The following PROX1 variants were observed in gnomAD, a reference collection of about 807,000 sequenced individuals.
PROX1 encodes the protein prospero homeobox 1.
A neutral mutation model predicts 58.8 loss-of-function variants in PROX1; 7 were observed. That is an observed-to-expected ratio of 0.12 (90% CI 0.07 to 0.22). PROX1 has a LOEUF of 0.22. Among genes scored for constraint, PROX1 ranks in the 10% least tolerant of loss-of-function variants. The pLI, the probability that PROX1 is intolerant of heterozygous loss-of-function variation, is 1.00. For missense variants in PROX1, 675 were observed against 927.8 expected, an observed-to-expected ratio of 0.73 and a Z score of 3.54; for synonymous variants, 350 against 358.3, an observed-to-expected ratio of 0.98 and a Z score of 0.26.
Position 214,038,377 on chromosome 1 carries a change from A to AT in PROX1, c.*2546dup. On this transcript the variant is annotated 3_prime_UTR_variant, in exon 5 of 5. Transcript: ENST00000366958. ...CAAAAGCCTGTCTCTCCAAATTCCT[A>AT]TTTAACAGTTTGATTTTTTTTTTTT... The AT allele has an allele frequency of 6.6e-6, 1 of 151,786 alleles. No individual in the cohort carries two copies. The highest frequency in any genetic ancestry group is 1.9e-4 in the East Asian group (1 of 5,174). The allele number at this position is 151,786 out of a possible 1,614,324, so 9.4% of individuals were successfully genotyped here.
chr1:214,014,137 T>C (rs903290848), intron 4 of PROX1, among the ~76,000 whole-genome samples: 1 of 152,244 alleles, frequency 6.6e-6, no homozygotes, highest in Non-Finnish European at 1.5e-5. Context: ...TTAAGTGAGA[T>C]GCTTAAAAAG....
chr1:214,017,156 G>T (rs1315181714), intron 4 of PROX1, among the ~76,000 whole-genome samples: 1 of 151,818 alleles, frequency 6.6e-6, no homozygotes, highest in Non-Finnish European at 1.5e-5. Context: ...AAGTTCAGAG[G>T]AGCCTTTAGA....
intron 4 of PROX1, among the ~76,000 whole-genome samples, chr1:214,016,636 C>A (rs1339375911): frequency 6.6e-6 from 1 of 152,200 alleles, no homozygotes; most frequent in African/African-American, 2.4e-5. Context: ...AATGAATGTT[C>A]TCTAAATATA....
chr1:214,002,769 A>G (rs1031195308), intron 2 of PROX1, among the ~76,000 whole-genome samples: 28 of 152,230 alleles, frequency 1.8e-4, no homozygotes. Context: ...GTTGCTTTTC[A>G]GCACAAGCAC....
At chr1:213,987,560 AG>A (rs1361689476), upstream of PROX1, 5 of 147,366 alleles carry the variant, frequency 3.4e-5, no homozygotes, top group African/African-American at 5.0e-5. Flanking sequence ...AAAAAGAAAA[AG>A]AAAAAAAAAA....
intron 4 of PROX1, chr1:214,028,768 C>T (rs889690964): frequency 1.3e-5 from 2 of 152,218 alleles, no homozygotes; most frequent in African/African-American, 4.8e-5. Context: ...TGCACCATTC[C>T]TTCTCTTCTG....
intron 4 of PROX1, among the ~76,000 whole-genome samples, chr1:214,020,362 C>A (rs1664240342): frequency 6.6e-6 from 1 of 152,142 alleles, no homozygotes; most frequent in African/African-American, 2.4e-5. Flanking sequence ...CTGAAGGTTC[C>A]TTTCTCTAAG....
intron 2 of PROX1, among the ~76,000 whole-genome samples, chr1:214,004,298 T>TG (rs1442468570): frequency 6.6e-6 from 1 of 152,190 alleles, no homozygotes; most frequent in Non-Finnish European, 1.5e-5. Flanking sequence ...CACATTCTCT[T>TG]GGGAACTGTT....
At position 213,996,792 on chromosome 1, in the gene PROX1, C is replaced by G. The variant is rs1663281696; in HGVS notation, c.257C>G (p.Pro86Arg). 1 of 1,613,996 alleles carries G rather than the reference C, an allele frequency of 6.2e-7. No individual in the cohort carries two copies. The highest frequency in any genetic ancestry group is 1.7e-5 in the Admixed American group (1 of 60,010). Residue 86 changes from proline (P) to arginine (R), a missense_variant, in exon 2 of 5, where the codon CCT (proline) becomes CGT (arginine). Transcript: ENST00000366958. ...RANSYEDAMM[P>R]FPGATIISQL... ...AACTCGTATGAAGATGCCATGATGC[C>G]TTTTCCAGGAGCAACCATAATTTCC...
intron 3 of PROX1, among the ~76,000 whole-genome samples, chr1:214,009,484 C>T (rs1264603653): frequency 2.0e-5 from 3 of 152,124 alleles, no homozygotes; most frequent in Admixed American, 6.5e-5. Flanking sequence ...TGCTTTTAGC[C>T]GGCGACTAAA....
In PROX1 at chr1:213,997,244, C is replaced by A. The variant is rs761043255; in HGVS notation, c.709C>A (p.Arg237=). The A allele has an allele frequency of 9.9e-6, 16 of 1,612,814 alleles. No individual in the cohort carries two copies. The highest frequency in any genetic ancestry group is 1.4e-5 in the Non-Finnish European group (16 of 1,179,474). ...ARKEQKREER[R]QLKQQLEDMQ... ...AAAAGAACAGAAGCGAGAGGAGCGC[C>A]GACAGCTGAAACAGCAGCTGGAGGA... The change falls in exon 2 of 5, where the codon CGA becomes AGA. Residue 237 remains arginine, a synonymous_variant. Coordinates refer to ENST00000366958, the MANE Select transcript of PROX1 (RefSeq NM_001270616.2). This position sits in a 1 kb window ranked among gnomAD's most constrained non-coding sequence, Gnocchi z 7.1.
At chr1:213,994,282 C>T (rs1465887269) in intron 1 of PROX1, among the ~76,000 whole-genome samples, 1 of 152,096 alleles carries the variant, frequency 6.6e-6, no homozygotes, top group Non-Finnish European at 1.5e-5. Context: ...GTTTGTTTGA[C>T]ATTTTGATTG....
At chr1:214,000,299 T>C (rs1663452992) in intron 2 of PROX1, among the ~76,000 whole-genome samples, 1 of 152,234 alleles carries the variant, frequency 6.6e-6, no homozygotes, top group African/African-American at 2.4e-5. Context: ...GCTTTAAGTG[T>C]TGGCTATGTT....
chr1:213,993,571 A>G (rs987297268), intron 1 of PROX1, among the ~76,000 whole-genome samples: 1 of 152,202 alleles, frequency 6.6e-6, no homozygotes, highest in Non-Finnish European at 1.5e-5. Context: ...ATATTCATAT[A>G]GATATCTTGT....
In PROX1 at chr1:214,023,007, G is replaced by A. The variant is rs6694495; in HGVS notation, c.2028+11292G>A. Among the ~76,000 whole-genome samples, 1,262 of 152,218 alleles carry A rather than the reference G, an allele frequency of 8.3e-3. 18 individuals are homozygous for A. The highest frequency in any genetic ancestry group is 0.028 in the African/African-American group (1,161 of 41,538). On this transcript the variant is annotated intron_variant, in intron 4 of 4. Coordinates refer to ENST00000366958, the MANE Select transcript of PROX1 (RefSeq NM_001270616.2). ...CAAAATCTCCAGGGTGCCCATTTTC[G>A]TTTTCTCCCAAGGCCCTATTTGCAG...
upstream of PROX1, chr1:213,983,440 C>G (rs184269602): frequency 6.6e-6 from 1 of 152,324 alleles, no homozygotes. Context: ...GCGCTTAAAA[C>G]CCTGCCACAG....
Position 214,018,092 on chromosome 1 carries a change from C to T in PROX1, c.2028+6377C>T, listed in dbSNP as rs1036394800. 5.9e-5 allele frequency among the ~76,000 whole-genome samples: 9 copies of T among 152,194 alleles called. 1 individual carries two copies. Among genetic ancestry groups the T allele is most frequent in the Admixed American group, 3.3e-4 (5 of 15,282 alleles). On this transcript the variant is annotated intron_variant, in intron 4 of 4. Coordinates refer to ENST00000366958, the MANE Select transcript of PROX1 (RefSeq NM_001270616.2). ...CTTTTGAAAGACAGCCTGTTTATTTCGCCTAGATGAAACAAATTCATTTAG... is the reference window on the plus strand; with the variant it reads ...CTTTTGAAAGACAGCCTGTTTATTTTGCCTAGATGAAACAAATTCATTTAG...
In PROX1 at chr1:214,041,083, T is replaced by C. The variant is rs1251138578; in HGVS notation, c.*5249T>C. On this transcript the variant is annotated 3_prime_UTR_variant, in exon 5 of 5. Transcript: ENST00000366958. ...GGGGAGGGTGGGAAAGGGGTTTTAC[T>C]TTGTGTGTTTTAAGCTTTTGTATAC... 6.6e-6 allele frequency: 1 copy of C among 152,084 alleles called. No individual in the cohort carries two copies. The highest frequency in any genetic ancestry group is 1.5e-5 in the Non-Finnish European group (1 of 67,964). The allele number at this position is 152,084 out of a possible 1,614,324, so 9.4% of individuals were successfully genotyped here. A position where few individuals can be genotyped will look rare whatever the true frequency, so the allele number is the denominator to read the frequency against.
intron 1 of PROX1, among the ~76,000 whole-genome samples, chr1:213,995,127 C>T (rs1663211745): frequency 6.6e-6 from 1 of 151,862 alleles, no homozygotes; most frequent in African/African-American, 2.4e-5. Context: ...GGCAATGGAC[C>T]CTGTTATTGT....
Sources: allele counts gnomAD v4.1 joint callset (sites outside exome capture counted in the v4.1 genomes callset), GRCh38; gene constraint gnomAD v4.1.1; non-coding constraint Gnocchi (gnomAD v3.1); transcripts MANE v1.5; gene names NCBI Gene and HGNC (gene_info 2026-07-23, HGNC 2026-07-21).